CDC42SE2: variants seen among roughly 807,000 people sequenced by gnomAD.
CDC42SE2 encodes CDC42 small effector protein 2.
A neutral mutation model predicts 11.5 loss-of-function variants in CDC42SE2; 3 were observed. The observed-to-expected ratio is 0.26, with a 90% CI of 0.12 to 0.67. The LOEUF (loss-of-function observed/expected upper bound fraction) is 0.67, where lower values mean the gene tolerates loss of function less well. CDC42SE2 is among the 30% of genes least tolerant of loss of function. The pLI, the probability that CDC42SE2 is intolerant of heterozygous loss-of-function variation, is 0.80. For synonymous variants in CDC42SE2, 33 were observed against 34.8 expected (o/e 0.95, Z 0.18); for missense variants, 82 against 106.8 (o/e 0.77, Z 1.02).
At chr5:131,224,870 G>A in the CDC42SE2 span, among the ~76,000 whole-genome samples, 3 of 151,632 alleles carry the variant, frequency 2.0e-5, no homozygotes, top group African/African-American at 7.3e-5. Flanking sequence ...AAGGCAGCAG[G>A]ACAAGCAGAA....
chr5:131,214,875 G>T, the CDC42SE2 span, among the ~76,000 whole-genome samples: 1 of 152,164 alleles, frequency 6.6e-6, no homozygotes, highest in Admixed American at 6.5e-5. Flanking sequence ...CAGGAGCTAG[G>T]GAAATAAATG....
At chr5:131,300,778 G>A (rs1475831500) in intron 1 of CDC42SE2, among the ~76,000 whole-genome samples, 3 of 142,902 alleles carry the variant, frequency 2.1e-5, no homozygotes, top group Non-Finnish European at 4.5e-5. Context: ...GCGAGACTCC[G>A]TCTCAAAAAA....
chr5:131,347,542 A>G (rs888749330), intron 2 of CDC42SE2, among the ~76,000 whole-genome samples: 1 of 152,176 alleles, frequency 6.6e-6, no homozygotes, highest in Non-Finnish European at 1.5e-5. Context: ...AGGACCACAT[A>G]GATTCACAGC....
At chr5:131,287,725 C>T (rs1231555382) in intron 1 of CDC42SE2, among the ~76,000 whole-genome samples, 2 of 151,562 alleles carry the variant, frequency 1.3e-5, no homozygotes, top group African/African-American at 2.4e-5. Flanking sequence ...CCGCCCTCTT[C>T]GGCCTCCCAA....
At position 131,392,447 on chromosome 5, in the gene CDC42SE2, G is replaced by A. The variant is rs1218217472; in HGVS notation, c.*1356G>A. On this transcript the variant is annotated 3_prime_UTR_variant, in exon 5 of 5. Coordinates refer to ENST00000505065, the MANE Select transcript of CDC42SE2 (RefSeq NM_001375635.1). ...TGCTGCTATTAGATAAAGTTTAGCT[G>A]TGGCACCAAGTCACATCATTTTCAT... 6.5e-6 allele frequency: 1 copy of A among 152,688 alleles called. No individual in the cohort carries two copies. Among genetic ancestry groups the A allele is most frequent in the African/African-American group, 2.4e-5 (1 of 41,440 alleles). The allele number at this position is 152,688 out of a possible 1,614,324, so 9.5% of individuals were successfully genotyped here.
chr5:131,298,972 T>A (rs1048063099), intron 1 of CDC42SE2, among the ~76,000 whole-genome samples: 1 of 152,158 alleles, frequency 6.6e-6, no homozygotes, highest in African/African-American at 2.4e-5. Context: ...TGGGGAATGA[T>A]TCCTGAAGGA....
At chr5:131,351,515 A>C (rs913934808) in intron 2 of CDC42SE2, among the ~76,000 whole-genome samples, 24 of 151,900 alleles carry the variant, frequency 1.6e-4, no homozygotes, top group African/African-American at 5.3e-4. Context: ...TGGCCTCCCA[A>C]AGTGTTGGGA....
the CDC42SE2 span, among the ~76,000 whole-genome samples, chr5:131,232,746 A>T: frequency 6.7e-6 from 1 of 149,820 alleles, no homozygotes; most frequent in African/African-American, 2.5e-5. Flanking sequence ...AAAAAAAAAA[A>T]AAAAAAAAAC....
the CDC42SE2 span, among the ~76,000 whole-genome samples, chr5:131,222,627 A>G: frequency 1.2e-4 from 19 of 152,182 alleles, no homozygotes; most frequent in African/African-American, 4.1e-4. Flanking sequence ...TTGTATTTCT[A>G]CTGCATGTAT....
chr5:131,329,879 CAAAAAAAAA>C (rs747152132), intron 2 of CDC42SE2, among the ~76,000 whole-genome samples: 4 of 56,616 alleles, frequency 7.1e-5, no homozygotes, highest in Non-Finnish European at 1.6e-4. Flanking sequence ...AACTCCATCT[CAAAAAAAAA>C]AAAAAAAAAA....
the CDC42SE2 span, among the ~76,000 whole-genome samples, chr5:131,234,594 C>T: frequency 4.0e-5 from 6 of 150,898 alleles, no homozygotes; most frequent in African/African-American, 1.5e-4. Flanking sequence ...CAAGATCGTG[C>T]CACTGCACTC....
At chr5:131,274,734 G>T (rs1757067224) in intron 1 of CDC42SE2, among the ~76,000 whole-genome samples, 1 of 152,194 alleles carries the variant, frequency 6.6e-6, no homozygotes, top group South Asian at 2.1e-4. Context: ...TTTCTCCTTG[G>T]CTTCTTCCAC....
chr5:131,329,971 T>A (rs367884436), intron 2 of CDC42SE2, among the ~76,000 whole-genome samples: 96 of 142,776 alleles, frequency 6.7e-4, no homozygotes, highest in African/African-American at 2.4e-3. Flanking sequence ...TACCTCAAAA[T>A]TCAGTGGCTT....
At chr5:131,311,101 A>G (rs1757899480) in intron 1 of CDC42SE2, among the ~76,000 whole-genome samples, 2 of 151,746 alleles carry the variant, frequency 1.3e-5, no homozygotes, top group Middle Eastern at 3.4e-3. Context: ...TTCCATGTTT[A>G]GTGCTTCCTT....
At chr5:131,249,338 T>C (rs1335899672) in intron 1 of CDC42SE2, among the ~76,000 whole-genome samples, 1 of 152,154 alleles carries the variant, frequency 6.6e-6, no homozygotes, top group Admixed American at 6.6e-5. Flanking sequence ...TAAAGAAGTA[T>C]CAGGGAGAGA....
At chr5:131,236,844 A>G in the CDC42SE2 span, among the ~76,000 whole-genome samples, 322 of 152,360 alleles carry the variant, frequency 2.1e-3, 1 homozygote, top group African/African-American at 7.4e-3. Flanking sequence ...AATATATGTT[A>G]CTACAATTTC....
chr5:131,356,404 A>G (rs1749549321), intron 2 of CDC42SE2, among the ~76,000 whole-genome samples: 2 of 152,214 alleles, frequency 1.3e-5, no homozygotes, highest in African/African-American at 2.4e-5. Flanking sequence ...AATATGTTTT[A>G]CATATATATA....
intron 1 of CDC42SE2, among the ~76,000 whole-genome samples, chr5:131,252,058 G>GGGGA (rs1561561614): frequency 2.4e-5 from 1 of 41,084 alleles, no homozygotes; most frequent in East Asian, 7.6e-4. Context: ...AAGAGAATGA[G>GGGGA]TGGAAGGAAG....
intron 2 of CDC42SE2, among the ~76,000 whole-genome samples, chr5:131,338,218 C>T (rs187686586): frequency 3.3e-5 from 5 of 152,326 alleles, no homozygotes; most frequent in African/African-American, 1.2e-4. Context: ...CCAGTAGGCA[C>T]CTCTTGTTAA....
Sources: gnomAD v4.1 joint callset for allele counts (sites outside exome capture counted in the v4.1 genomes callset) on GRCh38, gnomAD v4.1.1 for gene constraint, MANE v1.5 for transcripts, NCBI Gene and HGNC (gene_info 2026-07-23, HGNC 2026-07-21) for gene names.